The following FAM149A variants were observed in gnomAD, a reference collection of about 807,000 sequenced individuals.
FAM149A encodes protein FAM149A.
A neutral mutation model predicts 78.2 loss-of-function variants in FAM149A; 71 were observed. The ratio of observed to expected loss-of-function variants is 0.91; its 90% CI spans 0.75 to 1.11. The LOEUF is 1.11. FAM149A is among the 50% of genes least tolerant of loss of function. The pLI is 0.00. For missense variants in FAM149A, 1,036 were observed against 971.0 expected, an observed-to-expected ratio of 1.07 and a Z score of -0.89; for synonymous variants, 446 against 410.5, an observed-to-expected ratio of 1.09 and a Z score of -1.04.
intron 1 of FAM149A, 84 bp downstream of exon 1, chr4:186,105,726 C>T: frequency 2.2e-6 from 2 of 897,162 alleles, no homozygotes; most frequent in Non-Finnish European, 2.7e-6. Context: ...TTCGCAGGTG[C>T]ACTTCAGGAA....
chr4:186,137,825 A>C (rs2099324131), intron 1 of FAM149A, among the ~76,000 whole-genome samples: 1 of 151,774 alleles, frequency 6.6e-6, no homozygotes, highest in African/African-American at 2.4e-5. Flanking sequence ...TGTACTTATA[A>C]ATTTCACCAC....
chr4:186,154,440 C>T (rs1445690985), intron 5 of FAM149A, 28 bp from the exon 6 acceptor site: 2 of 1,586,632 alleles, frequency 1.3e-6, no homozygotes, highest in Admixed American at 1.8e-5. Context: ...CTATAAACTC[C>T]CATGTAGAAT....
intron 1 of FAM149A, among the ~76,000 whole-genome samples, chr4:186,131,588 G>A (rs955550556): frequency 6.6e-6 from 1 of 152,218 alleles, no homozygotes; most frequent in Admixed American, 6.5e-5. Context: ...TGAGCTGAAT[G>A]AGGCAATGGT....
At chr4:186,116,571 CTCTT>C (rs2099313802) in intron 1 of FAM149A, 2 of 980,746 alleles carry the variant, frequency 2.0e-6, no homozygotes, top group South Asian at 9.5e-5. Context: ...TTAAATTATC[CTCTT>C]TCTTTGTTGT....
At chr4:186,153,524 G>A (rs1445137708) in intron 4 of FAM149A, 121 bp from the exon 5 acceptor site, 15 of 1,478,902 alleles carry the variant, frequency 1.0e-5, no homozygotes, top group South Asian at 5.6e-5. Context: ...TGCTTCCCAC[G>A]TTCCCATACA....
intron 1 of FAM149A, among the ~76,000 whole-genome samples, chr4:186,138,918 GAGA>G (rs2099324630): frequency 6.6e-6 from 1 of 152,160 alleles, no homozygotes; most frequent in African/African-American, 2.4e-5. Flanking sequence ...TGCACTCTTG[GAGA>G]AGAAGGTATG....
rs764256345 is a variant in FAM149A at position 186,157,656 on chromosome 4, C to T, written c.1512C>T (p.Gly504=). The T allele has an allele frequency of 9.4e-5, 152 of 1,613,312 alleles. No individual in the cohort carries two copies. The highest frequency in any genetic ancestry group is 2.5e-4 in the Admixed American group (15 of 60,000). ...ACGCTCACGCCGATGGAGCCAGTGG[C>T]CCCCCGTCCGGACACGCCGAGGCTC... is the stretch of plus-strand genomic sequence containing the variant. The change falls in exon 8 of 14, where the codon GGC becomes GGT. Residue 504 remains glycine (G), a synonymous_variant. Transcript: ENST00000389354.
In FAM149A at chr4:186,110,800, G is replaced by C. The variant is rs1225487264; in HGVS notation, c.566+5158G>C. On this transcript the variant is annotated intron_variant, in intron 1 of 13. Transcript: ENST00000389354. Reference sequence around the variant, plus strand: ...TTCTTAATCCAGTCTATCATTGTTGGACATTTGGGTTGGTTCCAAGTCTTT... The same window carrying C: ...TTCTTAATCCAGTCTATCATTGTTGCACATTTGGGTTGGTTCCAAGTCTTT... Among the ~76,000 whole-genome samples, 7 of 149,604 alleles carry C rather than the reference G, an allele frequency of 4.7e-5. No homozygotes were observed. In the East Asian group the frequency reaches 7.8e-4, roughly 17 times the overall value.
At chr4:186,149,478 G>A (rs1733302370) in intron 2 of FAM149A, 88 bp from the exon 3 acceptor site, 2 of 1,209,052 alleles carry the variant, frequency 1.7e-6, no homozygotes, top group Admixed American at 2.9e-5. Context: ...ATGAAAGAAA[G>A]AGGAAGCAGG....
In FAM149A at chr4:186,172,062, G is replaced by C; in HGVS notation, c.*75G>C. ...TATCACTTGAAAAATGGAGGAACAAGTGTTATATTTATCTGTGTGTCTGAC... is the reference window on the plus strand; with the variant it reads ...TATCACTTGAAAAATGGAGGAACAACTGTTATATTTATCTGTGTGTCTGAC... On this transcript the variant is annotated 3_prime_UTR_variant, in exon 14 of 14. Coordinates refer to ENST00000389354, the MANE Select transcript of FAM149A (RefSeq NM_001367768.3). The C allele has an allele frequency of 6.4e-7, 1 of 1,568,344 alleles. No homozygotes were observed. The highest frequency in any genetic ancestry group is 8.6e-7 in the Non-Finnish European group (1 of 1,161,464).
At chr4:186,133,368 C>A in intron 1 of FAM149A, 1 of 187,716 alleles carries the variant, frequency 5.3e-6, no homozygotes, top group Non-Finnish European at 9.9e-6. Context: ...TCCTTCCTCT[C>A]CTCAGCACCT....
chr4:186,154,737 T>A, intron 6 of FAM149A, 99 bp downstream of exon 6: 1 of 1,447,708 alleles, frequency 6.9e-7, no homozygotes, highest in East Asian at 2.5e-5. Flanking sequence ...GTGTATTTTT[T>A]ACTCACCCAA....
Position 186,149,645 on chromosome 4 carries a change from CAG to C in FAM149A, c.733_734del (p.Ser245LeufsTer18). On this transcript the variant is annotated frameshift_variant, in exon 3 of 14. Transcript: ENST00000389354. LOFTEE classifies it high-confidence loss of function. ...CACCTCTTGGTCTGGGTCGGCCACACAGAGCTCTACCACCGGCTCATCCACGG... is the reference window on the plus strand; with the variant it reads ...CACCTCTTGGTCTGGGTCGGCCACACAGCTCTACCACCGGCTCATCCACGG... The C allele has an allele frequency of 7.8e-7, 1 of 1,290,048 alleles. No individual in the cohort carries two copies. The allele number at this position is 1,290,048 out of a possible 1,614,324, so 79.9% of individuals were successfully genotyped here.
intron 1 of FAM149A, among the ~76,000 whole-genome samples, chr4:186,131,176 C>A (rs1342366323): frequency 6.6e-6 from 1 of 152,036 alleles, no homozygotes; most frequent in African/African-American, 2.4e-5. Context: ...GGTGAAACCC[C>A]ATCTCTACTA....
chr4:186,166,997 G>A lies in FAM149A; in HGVS notation c.2040G>A (p.Val680=), dbSNP rs1186006339. 3.7e-6 allele frequency: 6 copies of A among 1,613,982 alleles called. No individual in the cohort carries two copies. Among genetic ancestry groups the A allele is most frequent in the Middle Eastern group, 1.6e-4 (1 of 6,084 alleles). Residue 680 remains valine (V), a synonymous_variant, in exon 12 of 14, where the codon GTG becomes GTA. Coordinates refer to ENST00000389354, the MANE Select transcript of FAM149A (RefSeq NM_001367768.3). ...GAGGAAGGCATCTACAAAACCGTGT[G>A]TTGAGTGCCATGCCTGACGGTACAG...
intron 13 of FAM149A, chr4:186,171,141 G>T (rs547044165): frequency 6.6e-6 from 1 of 152,618 alleles, no homozygotes; most frequent in South Asian, 2.1e-4. Flanking sequence ...GCACCCTGCG[G>T]TGCTGCCTTC....
At chr4:186,143,873 G>T in intron 1 of FAM149A, among the ~76,000 whole-genome samples, 1 of 152,190 alleles carries the variant, frequency 6.6e-6, no homozygotes, top group Admixed American at 6.5e-5. Flanking sequence ...CACCGTGCTA[G>T]GGTGGTGCAT....
rs149034308 is a variant in FAM149A, at chr4:186,157,605, C to T, written c.1461C>T (p.Asn487=). 153 of 1,614,162 alleles carry T rather than the reference C, an allele frequency of 9.5e-5. No homozygotes were observed. In the Middle Eastern group the frequency reaches 9.9e-4, roughly 10 times the overall value. Residue 487 remains asparagine, a synonymous_variant, in exon 8 of 14, where the codon AAC becomes AAT. Coordinates refer to ENST00000389354, the MANE Select transcript of FAM149A (RefSeq NM_001367768.3). ...GAGAAACATTGAAAGTGGCTGGAAA[C>T]AGATTTCCGCACGTCCTCGTTCCAC...
intron 6 of FAM149A, among the ~76,000 whole-genome samples, chr4:186,155,750 C>T (rs192457996): frequency 8.5e-4 from 128 of 150,618 alleles, no homozygotes; most frequent in African/African-American, 3.0e-3. Flanking sequence ...AAGGAAATAA[C>T]AAAGCTCAGA....
Sources: gnomAD v4.1 joint callset for allele counts (sites outside exome capture counted in the v4.1 genomes callset) on GRCh38, gnomAD v4.1.1 for gene constraint, MANE v1.5 for transcripts, NCBI Gene and HGNC (gene_info 2026-07-23, HGNC 2026-07-21) for gene names.